PALM2AKAP2: variants seen among roughly 807,000 people sequenced by gnomAD.
The protein encoded by PALM2AKAP2 is PALM2 and AKAP2 fusion.
In PALM2AKAP2, 37 loss-of-function variants were observed where a neutral mutation model predicts 71.5. That is an observed-to-expected ratio of 0.52 (90% confidence interval 0.40 to 0.68). The LOEUF (loss-of-function observed/expected upper bound fraction) is 0.68. Ranked by LOEUF, PALM2AKAP2 falls within the 30% of genes least tolerant of loss-of-function variation. The probability of loss-of-function intolerance (pLI) is 0.00; values close to 1 mark genes in which losing one functional copy is unlikely to be tolerated. For synonymous variants in PALM2AKAP2, 468 were observed against 478.8 expected (o/e 0.98, Z 0.29); for missense variants, 1,224 against 1,191.8 (o/e 1.03, Z -0.40).
At chr9:109,748,947 G>T (rs1456410968) in intron 1 of PALM2AKAP2, among the ~76,000 whole-genome samples, 3 of 152,138 alleles carry the variant, frequency 2.0e-5, no homozygotes, top group Non-Finnish European at 2.9e-5. Flanking sequence ...TTGGATTAAG[G>T]CCCACTCTGA....
At position 109,751,201 on chromosome 9, in the gene PALM2AKAP2, C is replaced by T. The variant is rs147896447; in HGVS notation, c.6-29287C>T. ...GAACTGCGGTTGAGTTGGGCATATA[C>T]AAGGATATCCTCAGTTTGAATCTTC... On this transcript the variant is annotated intron_variant, in intron 1 of 6. Transcript: ENST00000374531. Among the ~76,000 whole-genome samples, 728 of 152,222 alleles carry T rather than the reference C, an allele frequency of 4.8e-3. 14 individuals are homozygous for T. The highest frequency in any genetic ancestry group is 0.016 in the African/African-American group (672 of 41,540).
chr9:109,643,977 G>A (rs1382428002), intron 1 of PALM2AKAP2, among the ~76,000 whole-genome samples: 3 of 148,612 alleles, frequency 2.0e-5, no homozygotes, highest in African/African-American at 5.0e-5. Context: ...TATGGTGGGA[G>A]CAGGAGCAAG....
At chr9:110,003,266 T>C (rs1758229789) in intron 6 of PALM2AKAP2, among the ~76,000 whole-genome samples, 2 of 152,224 alleles carry the variant, frequency 1.3e-5, no homozygotes, top group Non-Finnish European at 2.9e-5. Context: ...AACATCTTTA[T>C]TTCTGCCTTC....
intron 7 of PALM2AKAP2, among the ~76,000 whole-genome samples, chr9:110,043,180 T>C (rs373797082): frequency 6.6e-6 from 1 of 152,210 alleles, no homozygotes; most frequent in East Asian, 1.9e-4. Flanking sequence ...AACTCACACA[T>C]AAACCCCTTC....
intron 1 of PALM2AKAP2, among the ~76,000 whole-genome samples, chr9:109,828,613 C>T (rs1828218462): frequency 6.6e-6 from 1 of 152,168 alleles, no homozygotes; most frequent in Non-Finnish European, 1.5e-5. Flanking sequence ...TACAATAATT[C>T]TATTGGGGTA....
At chr9:110,054,613 C>T (rs1452552994) in intron 1 of PALM2AKAP2, among the ~76,000 whole-genome samples, 1 of 152,100 alleles carries the variant, frequency 6.6e-6, no homozygotes, top group Non-Finnish European at 1.5e-5. Context: ...CACTCTGTCA[C>T]CCAGGCTGGA....
At chr9:109,930,494 G>A (rs746359279) in intron 5 of PALM2AKAP2, among the ~76,000 whole-genome samples, 2 of 152,186 alleles carry the variant, frequency 1.3e-5, no homozygotes, top group Non-Finnish European at 2.9e-5. Context: ...CCAAAGTGCT[G>A]GGATTACAGG....
chr9:110,094,580 G>A (rs190393990), intron 1 of PALM2AKAP2, among the ~76,000 whole-genome samples: 1 of 151,894 alleles, frequency 6.6e-6, no homozygotes, highest in East Asian at 1.9e-4. Context: ...ATATAGCCAG[G>A]GCAGGAAGAA....
chr9:110,001,964 G>C (rs1463863272), intron 6 of PALM2AKAP2, among the ~76,000 whole-genome samples: 1 of 152,086 alleles, frequency 6.6e-6, no homozygotes, highest in Non-Finnish European at 1.5e-5. Context: ...CTGCAAACAG[G>C]GACAATTTGA....
intron 1 of PALM2AKAP2, among the ~76,000 whole-genome samples, chr9:110,107,040 GCTGTTAATCACTGATTGACATTAT>G (rs1331870359): frequency 6.6e-6 from 1 of 152,184 alleles, no homozygotes; most frequent in Non-Finnish European, 1.5e-5. Flanking sequence ...TTATCACTGA[GCTGTTAATCACTGATTGACATTAT>G]CTATTGGGGA....
chr9:110,115,554 C>G (rs933607233), intron 1 of PALM2AKAP2, among the ~76,000 whole-genome samples: 1 of 152,210 alleles, frequency 6.6e-6, no homozygotes, highest in Non-Finnish European at 1.5e-5. Flanking sequence ...TGGAGCAGGA[C>G]TCTCAGACTG....
At chr9:110,057,400 TGC>T in intron 1 of PALM2AKAP2, among the ~76,000 whole-genome samples, 1 of 120,138 alleles carries the variant, frequency 8.3e-6, no homozygotes, top group African/African-American at 3.1e-5. Context: ...TTTTTTTTTT[TGC>T]AACAGAGACT....
intron 1 of PALM2AKAP2, among the ~76,000 whole-genome samples, chr9:109,680,678 C>G (rs1338614630): frequency 6.6e-6 from 1 of 152,150 alleles, no homozygotes. Context: ...TAACTAAATA[C>G]TAAGCCAAAC....
intron 3 of PALM2AKAP2, among the ~76,000 whole-genome samples, chr9:109,903,594 T>C (rs1338425163): frequency 1.3e-5 from 2 of 152,166 alleles, no homozygotes; most frequent in African/African-American, 4.8e-5. Flanking sequence ...GAGTTCAGTG[T>C]TGTGGACATT....
intron 6 of PALM2AKAP2, among the ~76,000 whole-genome samples, chr9:109,959,613 C>G (rs1831816500): frequency 6.7e-6 from 1 of 149,446 alleles, no homozygotes; most frequent in South Asian, 2.1e-4. Context: ...CCACTGCACT[C>G]CAGCCTGGGT....
chr9:110,054,100 A>G (rs1333161275), intron 1 of PALM2AKAP2, among the ~76,000 whole-genome samples: 1 of 152,230 alleles, frequency 6.6e-6, no homozygotes, highest in Non-Finnish European at 1.5e-5. Flanking sequence ...TCATTCATCT[A>G]TAAAAATGGA....
intron 1 of PALM2AKAP2, among the ~76,000 whole-genome samples, chr9:109,726,761 G>A (rs755202476): frequency 5.9e-5 from 9 of 152,072 alleles, no homozygotes; most frequent in Admixed American, 4.6e-4. Flanking sequence ...ATCTAGAACT[G>A]TATAGTCAAA....
rs149164458 is a variant in PALM2AKAP2 at position 109,704,524 on chromosome 9, G to C, written c.5+63658G>C. Among the ~76,000 whole-genome samples the C allele has an allele frequency of 1.6e-3, 240 of 152,274 alleles. 2 individuals are homozygous for C. The highest frequency in any genetic ancestry group is 3.4e-3 in the Middle Eastern group (1 of 294). ...GAGGATACTGCAGAATGGAGTTTCT[G>C]ATGGAAAATGTTTCCACCCTCACAG... On this transcript the variant is annotated intron_variant, in intron 1 of 6. Transcript: ENST00000374531.
intron 1 of PALM2AKAP2, among the ~76,000 whole-genome samples, chr9:109,708,065 C>T (rs1353342513): frequency 2.6e-5 from 4 of 152,190 alleles, no homozygotes; most frequent in African/African-American, 9.7e-5. Flanking sequence ...TCCTCTCCCT[C>T]CCTCCACTAT....
Sources: allele counts gnomAD v4.1 joint callset (sites outside exome capture counted in the v4.1 genomes callset), GRCh38; gene constraint gnomAD v4.1.1; transcripts MANE v1.5; gene names NCBI Gene and HGNC (gene_info 2026-07-23, HGNC 2026-07-21).